Variants in KCNQ3 observed in about 807,000 individuals in gnomAD.
The protein encoded by KCNQ3 is potassium voltage-gated channel subfamily KQT member 3.
Under a neutral mutation model 92.5 loss-of-function variants are expected in KCNQ3, and 30 were observed. The ratio of observed to expected loss-of-function variants is 0.32; its 90% CI spans 0.24 to 0.44. The LOEUF is 0.44. Ranked by LOEUF, KCNQ3 falls within the 20% of genes least tolerant of loss-of-function variation. The pLI is 1.00. For missense variants in KCNQ3, 913 were observed against 1,140.3 expected, an observed-to-expected ratio of 0.80 and a Z score of 2.87; for synonymous variants, 450 against 468.8, an observed-to-expected ratio of 0.96 and a Z score of 0.52.
intron 1 of KCNQ3, among the ~76,000 whole-genome samples, chr8:132,193,232 G>A (rs1388964463): frequency 2.0e-5 from 3 of 152,188 alleles, no homozygotes; most frequent in South Asian, 2.1e-4. Context: ...CAACAGTCAC[G>A]AATATGCCCT....
Position 132,163,389 on chromosome 8 carries a change from G to T in KCNQ3, c.1262+79C>A, listed in dbSNP as rs545362653. On this transcript the variant is annotated intron_variant, in intron 9 of 14. Coordinates refer to ENST00000388996, the MANE Select transcript of KCNQ3 (RefSeq NM_004519.4). ...CTTGGGACCAGCATGACCTCCCATG[G>T]GGCCCTACACCATATGGAGCAGGAT... 3.8e-5 allele frequency: 46 copies of T among 1,207,142 alleles called. No homozygotes were observed. In the East Asian group the frequency reaches 7.9e-4, roughly 21 times the overall value. The allele number at this position is 1,207,142 out of a possible 1,614,324, so 74.8% of individuals were successfully genotyped here.
At chr8:132,404,851 A>T (rs1338760107) in intron 1 of KCNQ3, among the ~76,000 whole-genome samples, 1 of 152,230 alleles carries the variant, frequency 6.6e-6, no homozygotes, top group Non-Finnish European at 1.5e-5. Context: ...ATTTATCTTA[A>T]TCTTCGCAAT....
intron 1 of KCNQ3, among the ~76,000 whole-genome samples, chr8:132,306,644 G>A (rs941303096): frequency 6.6e-6 from 1 of 152,216 alleles, no homozygotes; most frequent in Non-Finnish European, 1.5e-5. Flanking sequence ...ATAGGAAGCA[G>A]GCAAGCTAGC....
intron 1 of KCNQ3, among the ~76,000 whole-genome samples, chr8:132,333,198 C>T (rs1220557616): frequency 1.3e-5 from 2 of 152,146 alleles, no homozygotes; most frequent in Non-Finnish European, 2.9e-5. Flanking sequence ...CTGGACAATT[C>T]CTCATGGCCT....
At chr8:132,244,441 G>A (rs954084893) in intron 1 of KCNQ3, among the ~76,000 whole-genome samples, 1 of 151,626 alleles carries the variant, frequency 6.6e-6, no homozygotes, top group African/African-American at 2.4e-5. Context: ...ATGGAAAGGA[G>A]GAGGTAGTAA....
chr8:132,186,708 G>A, intron 1 of KCNQ3: 1 of 253,618 alleles, frequency 3.9e-6, no homozygotes, highest in Non-Finnish European at 7.8e-6. Context: ...CATTTTTACA[G>A]TCAATGGAAC....
At chr8:132,454,580 T>C (rs1253893791) in intron 1 of KCNQ3, among the ~76,000 whole-genome samples, 2 of 152,182 alleles carry the variant, frequency 1.3e-5, no homozygotes, top group Non-Finnish European at 2.9e-5. Flanking sequence ...ATGAAAGAAC[T>C]GCCCAAAGTA....
At chr8:132,374,620 C>T (rs1218117741) in intron 1 of KCNQ3, among the ~76,000 whole-genome samples, 1 of 152,200 alleles carries the variant, frequency 6.6e-6, no homozygotes, top group Admixed American at 6.5e-5. Flanking sequence ...TATTTCATCA[C>T]CCAGGTACTA....
chr8:132,186,243 G>A, intron 1 of KCNQ3, 62 bp from the exon 2 acceptor site: 1 of 1,204,878 alleles, frequency 8.3e-7, no homozygotes, highest in Non-Finnish European at 1.2e-6. Flanking sequence ...TTGAGGCTAA[G>A]ATGGGGAAAG....
chr8:132,392,945 T>C (rs562606729), intron 1 of KCNQ3, among the ~76,000 whole-genome samples: 43 of 152,210 alleles, frequency 2.8e-4, no homozygotes, highest in African/African-American at 1.0e-3. Context: ...AGTTCTTTAT[T>C]GTCTGGGTCT....
chr8:132,443,113 G>GC, intron 1 of KCNQ3, among the ~76,000 whole-genome samples: 1 of 152,290 alleles, frequency 6.6e-6, no homozygotes, highest in East Asian at 1.9e-4. Flanking sequence ...TATTGCTAAG[G>GC]CCCCGCTTGA....
At chr8:132,243,406 A>G (rs17596711) in intron 1 of KCNQ3, among the ~76,000 whole-genome samples, 14,955 of 152,288 alleles carry the variant, frequency 0.098, 772 homozygotes, top group South Asian at 0.19. Context: ...CTCGTTTGGA[A>G]AGCAGAGAAG....
chr8:132,252,952 CT>C (rs1815465145), intron 1 of KCNQ3, among the ~76,000 whole-genome samples: 1 of 152,180 alleles, frequency 6.6e-6, no homozygotes, highest in Non-Finnish European at 1.5e-5. Context: ...TCACTTTTGC[CT>C]TCATTCCTAG....
At chr8:132,242,108 G>A (rs1398108963) in intron 1 of KCNQ3, among the ~76,000 whole-genome samples, 1 of 152,186 alleles carries the variant, frequency 6.6e-6, no homozygotes, top group Non-Finnish European at 1.5e-5. Context: ...GCATTAGTGG[G>A]AAAGTAATAT....
intron 1 of KCNQ3, among the ~76,000 whole-genome samples, chr8:132,233,121 A>G (rs1814694592): frequency 6.6e-6 from 1 of 152,216 alleles, no homozygotes; most frequent in Non-Finnish European, 1.5e-5. Context: ...GCTCAAAGTG[A>G]TTTTAACCAA....
chr8:132,180,844 A>AAC (rs1554628322), intron 3 of KCNQ3, among the ~76,000 whole-genome samples: 1 of 151,532 alleles, frequency 6.6e-6, no homozygotes, highest in Non-Finnish European at 1.5e-5. Flanking sequence ...TTAAAAAAAA[A>AAC]AAAAAACCAA....
intron 9 of KCNQ3, among the ~76,000 whole-genome samples, chr8:132,162,368 C>T (rs1418295355): frequency 6.6e-6 from 1 of 152,058 alleles, no homozygotes; most frequent in African/African-American, 2.4e-5. Context: ...CAAAGAACAC[C>T]CTGTTGGGAG....
chr8:132,417,707 C>CATT (rs1483877079), intron 1 of KCNQ3, among the ~76,000 whole-genome samples: 10 of 151,348 alleles, frequency 6.6e-5, no homozygotes, highest in African/African-American at 2.4e-4. Context: ...TTCATTCATT[C>CATT]CAGGCATGGC....
intron 1 of KCNQ3, among the ~76,000 whole-genome samples, chr8:132,217,619 G>A (rs976139659): frequency 6.6e-6 from 1 of 150,434 alleles, no homozygotes; most frequent in Non-Finnish European, 1.5e-5. Context: ...GCTGAGGCAG[G>A]AGAATGGTGT....
Sources: gnomAD v4.1 joint callset for allele counts (sites outside exome capture counted in the v4.1 genomes callset) on GRCh38, gnomAD v4.1.1 for gene constraint, MANE v1.5 for transcripts, NCBI Gene and HGNC (gene_info 2026-07-23, HGNC 2026-07-21) for gene names.